The following TTC28 variants were observed in gnomAD, a reference collection of about 807,000 sequenced individuals.
TTC28 encodes tetratricopeptide repeat protein 28.
Under a neutral mutation model 198.0 loss-of-function variants are expected in TTC28, and 61 were observed. The observed-to-expected ratio is 0.31, with a 90% CI of 0.25 to 0.38. TTC28 has a LOEUF of 0.38. Among genes scored for constraint, TTC28 ranks in the 10% least tolerant of loss-of-function variants. The probability of loss-of-function intolerance (pLI) is 1.00; values close to 1 mark genes in which losing one functional copy is unlikely to be tolerated. For missense variants in TTC28, 2,678 were observed against 3,164.0 expected (o/e 0.85, Z 3.69); for synonymous variants, 1,171 against 1,297.8 (o/e 0.90, Z 2.10).
At chr22:28,072,825 T>G (rs184880988) in intron 12 of TTC28, among the ~76,000 whole-genome samples, 46 of 152,298 alleles carry the variant, frequency 3.0e-4, no homozygotes, top group Non-Finnish European at 5.3e-4. Context: ...CACCAGGAGA[T>G]AGAGTGGGAC....
At chr22:28,581,018 T>G (rs931718932) in intron 2 of TTC28, among the ~76,000 whole-genome samples, 19 of 152,296 alleles carry the variant, frequency 1.2e-4, no homozygotes, top group African/African-American at 4.6e-4. Flanking sequence ...TTTAATAATT[T>G]TATACATCCA....
intron 2 of TTC28, among the ~76,000 whole-genome samples, chr22:28,467,232 G>A (rs967340435): frequency 7.2e-5 from 11 of 152,282 alleles, no homozygotes; most frequent in Non-Finnish European, 1.5e-4. Context: ...CCCAGCCTGG[G>A]CAACATAGTG....
chr22:28,363,095 T>C (rs1269138103), intron 2 of TTC28, among the ~76,000 whole-genome samples: 1 of 152,140 alleles, frequency 6.6e-6, no homozygotes, highest in Non-Finnish European at 1.5e-5. Flanking sequence ...ATGTCAGCCC[T>C]GGAGAAAGCA....
chr22:28,067,553 T>C (rs763053571), intron 12 of TTC28, among the ~76,000 whole-genome samples: 5 of 152,044 alleles, frequency 3.3e-5, no homozygotes, highest in Non-Finnish European at 5.9e-5. Flanking sequence ...TATGCTTGTG[T>C]TTCTAAGTGT....
chr22:28,387,712 T>C (rs987871705), intron 2 of TTC28, among the ~76,000 whole-genome samples: 7 of 152,194 alleles, frequency 4.6e-5, no homozygotes, highest in African/African-American at 1.7e-4. Context: ...TCTTCTAAAT[T>C]TGTTTGAGGT....
At chr22:28,466,028 G>T (rs937893964) in intron 2 of TTC28, among the ~76,000 whole-genome samples, 36 of 152,224 alleles carry the variant, frequency 2.4e-4, no homozygotes, top group African/African-American at 8.7e-4. Context: ...TAGCTGTAAA[G>T]TTGGAAAATG....
intron 2 of TTC28, 176 bp downstream of exon 2, chr22:28,629,376 A>C (rs2051132882): frequency 4.8e-6 from 3 of 621,632 alleles, no homozygotes; most frequent in Non-Finnish European, 7.9e-6. Context: ...TGCTACAAAA[A>C]AACAAAGGAA....
chr22:28,049,769 G>T (rs1940013628), intron 12 of TTC28, among the ~76,000 whole-genome samples: 2 of 152,144 alleles, frequency 1.3e-5, no homozygotes, highest in South Asian at 4.1e-4. Context: ...CAAGCACACT[G>T]GTGTGTGAGG....
chr22:28,431,479 T>C (rs1398517190), intron 2 of TTC28, among the ~76,000 whole-genome samples: 1 of 152,216 alleles, frequency 6.6e-6, no homozygotes, highest in East Asian at 1.9e-4. Flanking sequence ...TGCCTATTAA[T>C]CTTACCTAGT....
At chr22:28,101,455 C>T (rs1942149960) in intron 8 of TTC28, among the ~76,000 whole-genome samples, 175 bp from the exon 9 acceptor site, 1 of 152,168 alleles carries the variant, frequency 6.6e-6, no homozygotes, top group Non-Finnish European at 1.5e-5. Flanking sequence ...CCTCCCCAGG[C>T]TCAGGTGATC....
At chr22:28,309,866 A>G (rs917760411) in intron 2 of TTC28, among the ~76,000 whole-genome samples, 3 of 152,176 alleles carry the variant, frequency 2.0e-5, no homozygotes, top group South Asian at 2.1e-4. Flanking sequence ...CAATGATTTT[A>G]GGCTGAAGCT....
intron 2 of TTC28, among the ~76,000 whole-genome samples, chr22:28,455,488 T>C (rs193074708): frequency 1.8e-4 from 27 of 151,498 alleles, no homozygotes; most frequent in African/African-American, 6.5e-4. Flanking sequence ...CCGAGGTGGG[T>C]GGATCACCTG....
At chr22:28,042,202 C>A (rs1238364735) in intron 12 of TTC28, among the ~76,000 whole-genome samples, 1 of 151,858 alleles carries the variant, frequency 6.6e-6, no homozygotes, top group Non-Finnish European at 1.5e-5. Flanking sequence ...ACTAGAAATA[C>A]CGTTTGACCC....
intron 6 of TTC28, among the ~76,000 whole-genome samples, chr22:28,154,350 CTTTTT>C (rs1437248194): frequency 2.3e-5 from 3 of 128,586 alleles, no homozygotes; most frequent in South Asian, 2.6e-4. Context: ...CTTTTCTTTT[CTTTTT>C]CTTTTTTTTT....
chr22:28,296,169 T>G, intron 5 of TTC28, 29 bp downstream of exon 5: 2 of 1,519,388 alleles, frequency 1.3e-6, no homozygotes, highest in Non-Finnish European at 1.8e-6. Context: ...GAAAAAAAAA[T>G]GTTTTTGGTC....
intron 6 of TTC28, among the ~76,000 whole-genome samples, chr22:28,122,790 G>C (rs898938371): frequency 2.0e-5 from 3 of 152,102 alleles, no homozygotes; most frequent in Non-Finnish European, 2.9e-5. Flanking sequence ...AAAGTTTCTA[G>C]GTAATAAAAA....
chr22:28,387,447 T>A (rs187342340), intron 2 of TTC28, among the ~76,000 whole-genome samples: 1 of 152,374 alleles, frequency 6.6e-6, no homozygotes, highest in Admixed American at 6.5e-5. Context: ...TGAACTAGTT[T>A]ACAGTCCCAC....
chr22:28,336,484 G>A (rs1273785183), intron 2 of TTC28, among the ~76,000 whole-genome samples: 6 of 152,042 alleles, frequency 3.9e-5, no homozygotes, highest in Admixed American at 3.9e-4. Context: ...TTTTTTGGTT[G>A]GTAAGCTATT....
At chr22:28,403,018 G>A (rs1166959768) in intron 2 of TTC28, among the ~76,000 whole-genome samples, 1 of 152,152 alleles carries the variant, frequency 6.6e-6, no homozygotes, top group African/African-American at 2.4e-5. Flanking sequence ...CAATCTCCCA[G>A]TCCCCAGAAG....
Sources: allele counts gnomAD v4.1 joint callset (sites outside exome capture counted in the v4.1 genomes callset), GRCh38; gene constraint gnomAD v4.1.1; transcripts MANE v1.5; gene names NCBI Gene and HGNC (gene_info 2026-07-23, HGNC 2026-07-21).